Variants in CNTN5 observed in about 807,000 individuals in gnomAD.
CNTN5 encodes contactin-5.
CNTN5 carries 77 observed loss-of-function variants against 129.1 expected under a neutral mutation model. The ratio of observed to expected loss-of-function variants is 0.60; its 90% CI spans 0.50 to 0.72. The LOEUF (loss-of-function observed/expected upper bound fraction) is 0.72. Among genes scored for constraint, CNTN5 ranks in the 30% least tolerant of loss-of-function variants. The pLI is 0.00. For synonymous variants in CNTN5, 509 were observed against 465.6 expected (o/e 1.09, Z -1.20); for missense variants, 1,478 against 1,328.8 (o/e 1.11, Z -1.75).
intron 21 of CNTN5, among the ~76,000 whole-genome samples, chr11:100,340,231 T>G (rs1429373668): frequency 6.6e-6 from 1 of 152,202 alleles, no homozygotes; most frequent in Non-Finnish European, 1.5e-5. Flanking sequence ...GTAGCAGGTT[T>G]TGTTGTTTTG....
intron 2 of CNTN5, among the ~76,000 whole-genome samples, chr11:99,531,197 C>A (rs569809275): frequency 8.5e-5 from 13 of 152,258 alleles, no homozygotes; most frequent in African/African-American, 2.9e-4. Flanking sequence ...GGAACTGGAG[C>A]AAAGATGACT....
chr11:100,310,423 T>C (rs1951448774), intron 21 of CNTN5, among the ~76,000 whole-genome samples: 1 of 151,910 alleles, frequency 6.6e-6, no homozygotes, highest in Admixed American at 6.6e-5. Flanking sequence ...CCTGCAAAGA[T>C]CACATGTGCA....
chr11:99,486,987 T>G (rs1326049172), intron 2 of CNTN5, among the ~76,000 whole-genome samples: 1 of 152,190 alleles, frequency 6.6e-6, no homozygotes, highest in African/African-American at 2.4e-5. Flanking sequence ...TGTCTTTTCC[T>G]CTGGTATTTT....
At chr11:100,297,293 C>T (rs693580) in intron 18 of CNTN5, among the ~76,000 whole-genome samples, 392 of 151,514 alleles carry the variant, frequency 2.6e-3, no homozygotes, top group African/African-American at 8.9e-3. Context: ...AGAGTCACGT[C>T]ATTAGCAAAG....
chr11:99,490,293 A>G lies in CNTN5; in HGVS notation c.-70-65852A>G, dbSNP rs562730225. On this transcript the variant is annotated intron_variant, in intron 2 of 24. Transcript: ENST00000524871. ...TAATTTAGGTGTTCATCATTTGGAC[A>G]TTAAGTTATTACATAATTTTTTTTC... 1.6e-4 allele frequency among the ~76,000 whole-genome samples: 24 copies of G among 152,328 alleles called. No homozygotes were observed. The South Asian group carries it at 4.8e-3, about 30-fold the overall frequency.
chr11:99,073,187 T>A (rs1169222646), intron 1 of CNTN5, among the ~76,000 whole-genome samples: 2 of 152,080 alleles, frequency 1.3e-5, no homozygotes, highest in Admixed American at 1.3e-4. Flanking sequence ...AGCATTCTTG[T>A]AAATTTTTTT....
At chr11:99,078,937 A>G (rs1287946485) in intron 1 of CNTN5, among the ~76,000 whole-genome samples, 2 of 152,136 alleles carry the variant, frequency 1.3e-5, no homozygotes, top group African/African-American at 2.4e-5. Flanking sequence ...AATCACTAAA[A>G]GAGTATAAGT....
chr11:99,097,242 G>A (rs1161237632), intron 1 of CNTN5, among the ~76,000 whole-genome samples: 2 of 151,758 alleles, frequency 1.3e-5, no homozygotes, highest in Non-Finnish European at 2.9e-5. Context: ...TAGTGTTAGG[G>A]AGGCATACAA....
chr11:99,615,367 A>G (rs1377588900), intron 3 of CNTN5, among the ~76,000 whole-genome samples: 1 of 152,166 alleles, frequency 6.6e-6, no homozygotes, highest in Non-Finnish European at 1.5e-5. Context: ...TCACAAGATT[A>G]GAATTTAACT....
At chr11:100,007,216 C>G (rs1940250963) in intron 9 of CNTN5, among the ~76,000 whole-genome samples, 1 of 151,952 alleles carries the variant, frequency 6.6e-6, no homozygotes, top group Non-Finnish European at 1.5e-5. Context: ...TAACATAATT[C>G]TTAAGGGCCC....
chr11:99,947,429 G>A (rs1182018701), intron 7 of CNTN5, among the ~76,000 whole-genome samples: 2 of 151,404 alleles, frequency 1.3e-5, no homozygotes, highest in Admixed American at 6.6e-5. Flanking sequence ...TTGATAAATA[G>A]ACAGTATCCA....
At chr11:100,193,805 AT>A in intron 15 of CNTN5, 142 bp downstream of exon 15, 1 of 668,416 alleles carries the variant, frequency 1.5e-6, no homozygotes, top group South Asian at 2.1e-5. Flanking sequence ...TTCTGCCATT[AT>A]TTTATGTTAT....
intron 2 of CNTN5, among the ~76,000 whole-genome samples, chr11:99,362,119 C>T (rs1329085664): frequency 6.6e-6 from 1 of 151,968 alleles, no homozygotes; most frequent in Non-Finnish European, 1.5e-5. Context: ...ATTTCTATTC[C>T]TAATAACACA....
rs367832129 is a variant in CNTN5, at chr11:99,819,502, T to G, written c.56-42T>G. 63 of 1,527,262 alleles carry G rather than the reference T, an allele frequency of 4.1e-5. No individual in the cohort carries two copies. The South Asian group carries it at 7.1e-4, about 17-fold the overall frequency. The allele number at this position is 1,527,262 out of a possible 1,614,324, so 94.6% of individuals were successfully genotyped here. A position where few individuals can be genotyped will look rare whatever the true frequency, so the allele number is the denominator to read the frequency against. Reference sequence around the variant, plus strand: ...TCTTCATAAGAAAAAAATAAACTAGTTTCCTCAAAATTCAGATTTTATTAT... The same window carrying G: ...TCTTCATAAGAAAAAAATAAACTAGGTTCCTCAAAATTCAGATTTTATTAT... On this transcript the variant is annotated intron_variant, in intron 3 of 24. Transcript: ENST00000524871.
At chr11:99,304,758 C>T (rs1864795434) in intron 1 of CNTN5, among the ~76,000 whole-genome samples, 1 of 152,176 alleles carries the variant, frequency 6.6e-6, no homozygotes, top group Non-Finnish European at 1.5e-5. Context: ...GCAATTCTTA[C>T]TGTGAAACAA....
At chr11:99,420,938 T>TA (rs1391351736) in intron 2 of CNTN5, among the ~76,000 whole-genome samples, 1 of 152,172 alleles carries the variant, frequency 6.6e-6, no homozygotes, top group Non-Finnish European at 1.5e-5. Flanking sequence ...ATTGCACTGT[T>TA]ACAGAATCAC....
intron 2 of CNTN5, among the ~76,000 whole-genome samples, chr11:99,411,512 C>T (rs755748112): frequency 6.6e-6 from 1 of 151,952 alleles, no homozygotes; most frequent in African/African-American, 2.4e-5. Context: ...AGAATGAGAC[C>T]TTGTCTCAAA....
intron 3 of CNTN5, among the ~76,000 whole-genome samples, chr11:99,807,409 T>C (rs1427748742): frequency 6.6e-6 from 1 of 152,200 alleles, no homozygotes; most frequent in African/African-American, 2.4e-5. Flanking sequence ...AATTCATCTA[T>C]AGGGATAGGG....
At chr11:100,218,580 T>G (rs1171238704) in intron 15 of CNTN5, among the ~76,000 whole-genome samples, 1 of 152,218 alleles carries the variant, frequency 6.6e-6, no homozygotes, top group African/African-American at 2.4e-5. Context: ...TGTTACCATT[T>G]TGAAGTCTTC....
Sources: gnomAD v4.1 joint callset for allele counts (sites outside exome capture counted in the v4.1 genomes callset) on GRCh38, gnomAD v4.1.1 for gene constraint, MANE v1.5 for transcripts, NCBI Gene and HGNC (gene_info 2026-07-23, HGNC 2026-07-21) for gene names.